Variants in STOX2 observed in about 807,000 individuals in gnomAD.
STOX2 encodes storkhead-box protein 2.
A neutral mutation model predicts 60.9 loss-of-function variants in STOX2; 28 were observed. The observed-to-expected ratio is 0.46, with a 90% CI of 0.34 to 0.63. The LOEUF is 0.63. STOX2 is among the 30% of genes least tolerant of loss of function. STOX2 has a pLI of 0.01. For missense variants in STOX2, 1,024 were observed against 1,187.7 expected (o/e 0.86, Z 2.03); for synonymous variants, 472 against 463.9 (o/e 1.02, Z -0.22).
chr4:183,974,885 G>A (rs537357327), intron 1 of STOX2, among the ~76,000 whole-genome samples: 9 of 152,084 alleles, frequency 5.9e-5, no homozygotes, highest in Admixed American at 4.6e-4. Flanking sequence ...TCAAATAGCA[G>A]AATATACATT....
chr4:183,951,131 G>GC (rs533645811), intron 1 of STOX2, among the ~76,000 whole-genome samples: 7,917 of 150,972 alleles, frequency 0.052, 274 homozygotes, highest in Non-Finnish European at 0.068. Flanking sequence ...CAGGAGAATG[G>GC]GTGAACCCGG....
intron 2 of STOX2, among the ~76,000 whole-genome samples, chr4:184,004,611 C>A (rs1315841550): frequency 2.0e-5 from 3 of 151,176 alleles, no homozygotes; most frequent in Admixed American, 6.6e-5. Flanking sequence ...AAAACAAAAA[C>A]AAAAAAAAAA....
intron 1 of STOX2, among the ~76,000 whole-genome samples, chr4:183,921,153 T>C (rs1467643750): frequency 3.3e-5 from 5 of 152,200 alleles, no homozygotes; most frequent in Non-Finnish European, 7.3e-5. Context: ...TCTATGAGGA[T>C]AGCAGTAGGC....
intron 1 of STOX2, among the ~76,000 whole-genome samples, chr4:183,951,131 G>GT (rs533645811): frequency 4.6e-5 from 7 of 151,252 alleles, no homozygotes; most frequent in Middle Eastern, 3.4e-3. Flanking sequence ...CAGGAGAATG[G>GT]GTGAACCCGG....
At chr4:183,857,635 G>C (rs1253199648) in intron 1 of STOX2, among the ~76,000 whole-genome samples, 1 of 152,034 alleles carries the variant, frequency 6.6e-6, no homozygotes, top group African/African-American at 2.4e-5. Flanking sequence ...CTTACCTCTG[G>C]GGTCCTTCCC....
upstream of STOX2, among the ~76,000 whole-genome samples, chr4:183,903,213 C>G (rs1391308824): frequency 6.6e-6 from 1 of 152,196 alleles, no homozygotes; most frequent in African/African-American, 2.4e-5. Flanking sequence ...TGATCTGGCT[C>G]TGCATCCTTC....
chr4:183,933,831 G>A (rs1742510599), intron 1 of STOX2, among the ~76,000 whole-genome samples: 1 of 152,102 alleles, frequency 6.6e-6, no homozygotes, highest in Non-Finnish European at 1.5e-5. Context: ...CTGCCTCCCT[G>A]CAAAAGTATT....
chr4:183,946,637 T>G (rs11932286), intron 1 of STOX2, among the ~76,000 whole-genome samples: 20 of 151,448 alleles, frequency 1.3e-4, no homozygotes, highest in Admixed American at 5.2e-4. Context: ...GTTTTTTTTT[T>G]TTTTTTGTGA....
At position 183,892,282 on chromosome 4, in the gene STOX2, A is replaced by G. The variant is rs189890258; in HGVS notation, c.364+94227A>G. ...GTATGGAGCCTTGCCCTGCTTCCATAGGTGTAATTTTTTTGAGACGGAGTC... is the reference window on the plus strand; with the variant it reads ...GTATGGAGCCTTGCCCTGCTTCCATGGGTGTAATTTTTTTGAGACGGAGTC... On this transcript the variant is annotated intron_variant, in intron 1 of 2. Coordinates refer to the STOX2 transcript ENST00000513034. Among the ~76,000 whole-genome samples the G allele has an allele frequency of 3.3e-5, 5 of 152,136 alleles. No homozygotes were observed. The East Asian group carries it at 9.7e-4, about 29-fold the overall frequency.
chr4:183,860,442 CAAAAAA>C (rs35753992), intron 1 of STOX2, among the ~76,000 whole-genome samples: 2 of 121,506 alleles, frequency 1.6e-5, no homozygotes, highest in African/African-American at 5.9e-5. Flanking sequence ...AAACAAAAAA[CAAAAAA>C]AAAAAAAAAA....
chr4:183,803,251 C>A (rs13132459), intron 1 of STOX2, among the ~76,000 whole-genome samples: 1 of 152,078 alleles, frequency 6.6e-6, no homozygotes, highest in Non-Finnish European at 1.5e-5. Flanking sequence ...AGCTATAAGA[C>A]GAGATTTGGG....
chr4:183,891,472 T>C (rs1270791268), intron 1 of STOX2, among the ~76,000 whole-genome samples: 1 of 148,868 alleles, frequency 6.7e-6, no homozygotes, highest in African/African-American at 2.5e-5. Flanking sequence ...CTGGTTAAGA[T>C]TGGAGACTAT....
chr4:183,803,883 A>C (rs972962085), intron 1 of STOX2, among the ~76,000 whole-genome samples: 1 of 152,122 alleles, frequency 6.6e-6, no homozygotes, highest in Non-Finnish European at 1.5e-5. Context: ...GAATCGCTTG[A>C]ACCTGGGAGG....
intron 1 of STOX2, among the ~76,000 whole-genome samples, chr4:183,943,284 A>C (rs1440356276): frequency 6.6e-6 from 1 of 152,238 alleles, no homozygotes; most frequent in Non-Finnish European, 1.5e-5. Flanking sequence ...ATTATTTGTT[A>C]AAAATCTAAA....
intron 1 of STOX2, among the ~76,000 whole-genome samples, chr4:183,909,861 C>T (rs1406953992): frequency 6.6e-6 from 1 of 152,172 alleles, no homozygotes; most frequent in Non-Finnish European, 1.5e-5. Context: ...TTAGCCTTGG[C>T]CTTTCCGATA....
intron 1 of STOX2, among the ~76,000 whole-genome samples, chr4:183,924,490 C>T (rs1412077598): frequency 1.3e-5 from 2 of 152,114 alleles, no homozygotes; most frequent in African/African-American, 4.8e-5. Context: ...GCAGTGCCCT[C>T]TCTCTGGAGG....
intron 1 of STOX2, among the ~76,000 whole-genome samples, chr4:183,989,189 TTTTTG>T (rs1336367059): frequency 2.4e-5 from 1 of 42,446 alleles, no homozygotes; most frequent in African/African-American, 1.1e-4. Context: ...TTTTTTTTTT[TTTTTG>T]TTTGTTTGGT....
intron 1 of STOX2, among the ~76,000 whole-genome samples, chr4:183,850,184 G>A (rs568123313): frequency 7.7e-4 from 117 of 151,652 alleles, no homozygotes; most frequent in African/African-American, 2.6e-3. Context: ...TGTTGGCCAG[G>A]CTGGTCTTGA....
intron 1 of STOX2, among the ~76,000 whole-genome samples, chr4:183,854,919 AT>A (rs1740252006): frequency 6.6e-6 from 1 of 152,358 alleles, no homozygotes; most frequent in South Asian, 2.1e-4. Context: ...GTTTGGCAAC[AT>A]TAAAATCTTA....
Sources: allele counts gnomAD v4.1 joint callset (sites outside exome capture counted in the v4.1 genomes callset), GRCh38; gene constraint gnomAD v4.1.1; transcripts MANE v1.5; gene names NCBI Gene and HGNC (gene_info 2026-07-23, HGNC 2026-07-21).